Variants in PPP2R2B observed in about 807,000 individuals in gnomAD.
The protein encoded by PPP2R2B is serine/threonine-protein phosphatase 2A 55 kDa regulatory subunit B beta isoform.
Under a neutral mutation model 46.0 loss-of-function variants are expected in PPP2R2B, and 5 were observed. The observed-to-expected ratio is 0.11, with a 90% confidence interval of 0.06 to 0.23. PPP2R2B has a LOEUF of 0.23. Among genes scored for constraint, PPP2R2B ranks in the 10% least tolerant of loss-of-function variants. The probability of loss-of-function intolerance (pLI) is 1.00; values close to 1 mark genes in which losing one functional copy is unlikely to be tolerated. For missense variants in PPP2R2B, 367 were observed against 575.0 expected, an observed-to-expected ratio of 0.64 and a Z score of 3.70; for synonymous variants, 215 against 206.7, an observed-to-expected ratio of 1.04 and a Z score of -0.34.
intron 2 of PPP2R2B, among the ~76,000 whole-genome samples, chr5:146,812,815 A>ATATATGTATATATATATATATG (rs1554140183): frequency 2.8e-5 from 1 of 35,632 alleles, no homozygotes; most frequent in African/African-American, 8.4e-5. Flanking sequence ...ATATATATAT[A>ATATATGTATATATATATATATG]TATATATATA....
intron 3 of PPP2R2B, among the ~76,000 whole-genome samples, chr5:146,698,739 C>A (rs898342938): frequency 7.9e-5 from 12 of 151,642 alleles, no homozygotes; most frequent in Non-Finnish European, 4.4e-5. Context: ...ATCAGATATG[C>A]CCCTGCTCCT....
chr5:146,828,180 C>A (rs1273257238), intron 2 of PPP2R2B, among the ~76,000 whole-genome samples: 2 of 151,706 alleles, frequency 1.3e-5, no homozygotes, highest in Non-Finnish European at 2.9e-5. Context: ...TGCACATTCT[C>A]TAGTTGAAGG....
At chr5:146,785,363 A>C (rs752732251) in intron 2 of PPP2R2B, among the ~76,000 whole-genome samples, 27 of 152,146 alleles carry the variant, frequency 1.8e-4, no homozygotes, top group Middle Eastern at 3.2e-3. Context: ...CTTGGGCAAC[A>C]TAGTGAAACG....
At chr5:146,828,673 C>T (rs1296161499) in intron 2 of PPP2R2B, among the ~76,000 whole-genome samples, 1 of 152,132 alleles carries the variant, frequency 6.6e-6, no homozygotes, top group Non-Finnish European at 1.5e-5. Flanking sequence ...CTTTTTCCCC[C>T]CAACACAAAA....
intron 2 of PPP2R2B, among the ~76,000 whole-genome samples, chr5:146,813,253 T>TAC (rs1194672569): frequency 6.6e-6 from 1 of 152,074 alleles, no homozygotes; most frequent in Non-Finnish European, 1.5e-5. Flanking sequence ...CCCCTCTCTT[T>TAC]ACACACAAAC....
intron 2 of PPP2R2B, among the ~76,000 whole-genome samples, chr5:146,804,262 T>C (rs1030794252): frequency 6.6e-5 from 10 of 152,216 alleles, no homozygotes; most frequent in African/African-American, 1.4e-4. Context: ...CATTTTAAGA[T>C]ACATTATTTA....
At chr5:146,854,913 T>A (rs552892637) in intron 2 of PPP2R2B, among the ~76,000 whole-genome samples, 1 of 152,332 alleles carries the variant, frequency 6.6e-6, no homozygotes, top group South Asian at 2.1e-4. Flanking sequence ...GCAGTTTTTA[T>A]GTTTTTAGAA....
intron 9 of PPP2R2B, 124 bp from the exon 10 acceptor site, chr5:146,590,350 G>T: frequency 1.1e-6 from 1 of 902,626 alleles, no homozygotes; most frequent in Non-Finnish European, 1.6e-6. Flanking sequence ...ACCAAAAAAT[G>T]AGAACAGGCT....
chr5:146,959,541 G>T (rs1403112691), intron 1 of PPP2R2B, among the ~76,000 whole-genome samples: 2 of 152,120 alleles, frequency 1.3e-5, no homozygotes, highest in Non-Finnish European at 2.9e-5. Context: ...ATGCATGCAT[G>T]AATAAATGCA....
chr5:146,635,645 A>G (rs432162), intron 7 of PPP2R2B, among the ~76,000 whole-genome samples: 16,467 of 152,202 alleles, frequency 0.11, 2,227 homozygotes, highest in African/African-American at 0.31. Flanking sequence ...CACTCACTAG[A>G]GAGGCCCTGC....
intron 1 of PPP2R2B, among the ~76,000 whole-genome samples, chr5:147,009,590 C>T (rs1478228922): frequency 6.6e-6 from 1 of 152,040 alleles, no homozygotes; most frequent in Non-Finnish European, 1.5e-5. Flanking sequence ...CCTACTTTTA[C>T]ATCTAGACAA....
rs1280596629 is a variant in PPP2R2B, at chr5:146,650,760, A to C, written c.448-36T>G. On this transcript the variant is annotated intron_variant, in intron 5 of 9. Transcript: ENST00000394411. ...AGAGAAACAAATCACTTCAGAACCA[A>C]AGATCTTCCATAGGAAAAGAGTGTG... 5 of 1,582,116 alleles carry C rather than the reference A, an allele frequency of 3.2e-6. No individual in the cohort carries two copies. The African/African-American group carries it at 6.8e-5, about 21-fold the overall frequency.
intron 2 of PPP2R2B, among the ~76,000 whole-genome samples, chr5:146,772,162 A>T (rs148686252): frequency 6.4e-4 from 98 of 152,156 alleles, no homozygotes; most frequent in African/African-American, 2.2e-3. Flanking sequence ...GCTATCATGG[A>T]AAGATCTCCA....
At chr5:146,924,874 C>CT (rs544193728) in intron 1 of PPP2R2B, among the ~76,000 whole-genome samples, 680 of 152,170 alleles carry the variant, frequency 4.5e-3, no homozygotes, top group Non-Finnish European at 7.7e-3. Context: ...TCAACTCATC[C>CT]TTTTTTATGG....
At chr5:147,062,469 G>A (rs1427535716) in intron 2 of PPP2R2B, among the ~76,000 whole-genome samples, 1 of 152,116 alleles carries the variant, frequency 6.6e-6, no homozygotes, top group Non-Finnish European at 1.5e-5. Flanking sequence ...ATATCTCATT[G>A]AATCCTCCTG....
chr5:146,998,046 A>T (rs1271572088), intron 1 of PPP2R2B, among the ~76,000 whole-genome samples: 1 of 152,204 alleles, frequency 6.6e-6, no homozygotes, highest in African/African-American at 2.4e-5. Context: ...CCTTCTCACA[A>T]GTGTGCAGAG....
At chr5:146,815,647 G>C (rs1266241695) in intron 2 of PPP2R2B, among the ~76,000 whole-genome samples, 1 of 152,192 alleles carries the variant, frequency 6.6e-6, no homozygotes, top group Non-Finnish European at 1.5e-5. Flanking sequence ...TTGATTAGCT[G>C]GACAGACCCT....
At chr5:146,806,825 T>G (rs1435264606) in intron 2 of PPP2R2B, among the ~76,000 whole-genome samples, 1 of 152,194 alleles carries the variant, frequency 6.6e-6, no homozygotes, top group African/African-American at 2.4e-5. Flanking sequence ...CTGAGTGTCA[T>G]GTAATGCAAG....
intron 2 of PPP2R2B, among the ~76,000 whole-genome samples, chr5:146,877,267 A>G (rs1281281809): frequency 6.6e-6 from 1 of 152,064 alleles, no homozygotes; most frequent in Non-Finnish European, 1.5e-5. Context: ...AGAGACGACA[A>G]TTTCACCTCT....
Sources: gnomAD v4.1 joint callset for allele counts (sites outside exome capture counted in the v4.1 genomes callset) on GRCh38, gnomAD v4.1.1 for gene constraint, MANE v1.5 for transcripts, NCBI Gene and HGNC (gene_info 2026-07-23, HGNC 2026-07-21) for gene names.